Variants in CHRDL2 observed in about 807,000 individuals in gnomAD.
CHRDL2 encodes the protein chordin like 2.
In CHRDL2, 41 loss-of-function variants were observed where a neutral mutation model predicts 54.3. The ratio of observed to expected loss-of-function variants is 0.76; its 90% CI spans 0.59 to 0.98. The LOEUF is 0.98. Among genes scored for constraint, CHRDL2 ranks in the 50% least tolerant of loss-of-function variants. The pLI is 0.00. For synonymous variants in CHRDL2, 220 were observed against 224.3 expected (o/e 0.98, Z 0.17); for missense variants, 518 against 562.4 (o/e 0.92, Z 0.80).
At chr11:74,702,771 A>C in intron 9 of CHRDL2, 23 bp downstream of exon 9, 1 of 1,612,898 alleles carries the variant, frequency 6.2e-7, no homozygotes, top group Non-Finnish European at 8.5e-7. Flanking sequence ...GGTACACCCC[A>C]CTGGGAGTGG....
chr11:74,704,446 C>G, intron 7 of CHRDL2, 40 bp downstream of exon 7: 1 of 1,572,706 alleles, frequency 6.4e-7, no homozygotes, highest in Non-Finnish European at 8.6e-7. Flanking sequence ...CAGGGCCCCC[C>G]TTCCCTGCCT....
chr11:74,727,192 A>C (rs1226008605), intron 1 of CHRDL2, among the ~76,000 whole-genome samples: 2 of 152,228 alleles, frequency 1.3e-5, no homozygotes, highest in Non-Finnish European at 2.9e-5. Flanking sequence ...ACTGAGAGGT[A>C]GAGAAAGGCA....
At chr11:74,701,382 G>A (rs2033802963) in intron 9 of CHRDL2, 1 of 442,214 alleles carries the variant, frequency 2.3e-6, no homozygotes. Context: ...GACTCTTGCG[G>A]TCACTCAGAA....
intron 1 of CHRDL2, among the ~76,000 whole-genome samples, chr11:74,722,676 G>A (rs2135276013): frequency 6.6e-6 from 1 of 152,218 alleles, no homozygotes; most frequent in South Asian, 2.1e-4. Flanking sequence ...GAACATCATA[G>A]CACACACTGA....
intron 1 of CHRDL2, among the ~76,000 whole-genome samples, chr11:74,729,216 G>A (rs1023895344): frequency 1.3e-5 from 2 of 152,248 alleles, no homozygotes; most frequent in African/African-American, 4.8e-5. Context: ...TGGGAGGCAG[G>A]CATGGAGGGC....
At chr11:74,708,998 C>A (rs756536939) in intron 4 of CHRDL2, among the ~76,000 whole-genome samples, 12 of 152,166 alleles carry the variant, frequency 7.9e-5, no homozygotes, top group Non-Finnish European at 1.6e-4. Context: ...GTGTGAAGAT[C>A]CAGTGAGGGA....
intron 9 of CHRDL2, 74 bp downstream of exon 9, chr11:74,702,720 C>T: frequency 3.3e-6 from 5 of 1,530,872 alleles, no homozygotes; most frequent in East Asian, 2.3e-5. Flanking sequence ...GTCCCTAAGG[C>T]CCCTGTGGGG....
At chr11:74,714,491 G>A (rs1439901191) in intron 2 of CHRDL2, among the ~76,000 whole-genome samples, 2 of 152,190 alleles carry the variant, frequency 1.3e-5, no homozygotes, top group Non-Finnish European at 2.9e-5. Flanking sequence ...TTCCCTGATA[G>A]CACTTCTCCC....
intron 6 of CHRDL2, among the ~76,000 whole-genome samples, chr11:74,706,284 C>G (rs112835621): frequency 9.2e-5 from 14 of 152,228 alleles, no homozygotes; most frequent in African/African-American, 3.4e-4. Flanking sequence ...CCCCAGGCCA[C>G]TCCTTATCCA....
intron 7 of CHRDL2, among the ~76,000 whole-genome samples, 168 bp from the exon 8 acceptor site, chr11:74,703,667 C>T (rs1565149378): frequency 6.6e-6 from 1 of 152,238 alleles, no homozygotes; most frequent in African/African-American, 2.4e-5. Context: ...GTCCCCTCTC[C>T]CTGACACTGC....
At chr11:74,700,199 C>G (rs1162599052) in intron 9 of CHRDL2, among the ~76,000 whole-genome samples, 2 of 152,180 alleles carry the variant, frequency 1.3e-5, no homozygotes, top group Non-Finnish European at 2.9e-5. Flanking sequence ...TTAATACGTG[C>G]CCCTTAGGTT....
chr11:74,724,479 G>A (rs888149446), intron 1 of CHRDL2, among the ~76,000 whole-genome samples: 1 of 152,230 alleles, frequency 6.6e-6, no homozygotes, highest in African/African-American at 2.4e-5. Flanking sequence ...ATCATGAGGT[G>A]GCTCCTGCCT....
At chr11:74,722,412 T>C (rs987927557) in intron 1 of CHRDL2, among the ~76,000 whole-genome samples, 3 of 152,224 alleles carry the variant, frequency 2.0e-5, no homozygotes, top group Non-Finnish European at 4.4e-5. Context: ...TACCTAACCA[T>C]TCTGGGCCTC....
chr11:74,716,322 A>G lies in CHRDL2; in HGVS notation c.195+2398T>C, dbSNP rs577364115. ...GAGGCCAAAGAGGGCAGATCATGAG[A>G]TCAAGAGATGGAGATCATCCTGGCC... On this transcript the variant is annotated intron_variant, in intron 2 of 10. Transcript: ENST00000376332. Among the ~76,000 whole-genome samples the G allele has an allele frequency of 1.8e-4, 27 of 152,242 alleles. No individual in the cohort carries two copies. The South Asian group carries it at 5.4e-3, about 30-fold the overall frequency.
intron 9 of CHRDL2, 53 bp from the exon 10 acceptor site, chr11:74,697,350 G>A: frequency 7.5e-7 from 1 of 1,340,388 alleles, no homozygotes; most frequent in Non-Finnish European, 1.1e-6. Flanking sequence ...TACAGTCGGT[G>A]AAAAGTGAAA....
chr11:74,719,777 T>C (rs1455432713), intron 1 of CHRDL2, among the ~76,000 whole-genome samples: 1 of 152,224 alleles, frequency 6.6e-6, no homozygotes, highest in Non-Finnish European at 1.5e-5. Flanking sequence ...CTATCTCTCC[T>C]ACAATCCTGC....
At chr11:74,704,261 A>G (rs911062859) in intron 7 of CHRDL2, among the ~76,000 whole-genome samples, 1 of 152,174 alleles carries the variant, frequency 6.6e-6, no homozygotes, top group Non-Finnish European at 1.5e-5. Flanking sequence ...CTCTTACTCA[A>G]TACTCTGAAC....
intron 9 of CHRDL2, chr11:74,701,793 T>TC (rs2033821014): frequency 9.1e-6 from 5 of 547,722 alleles, no homozygotes; most frequent in Non-Finnish European, 1.7e-5. Flanking sequence ...CATTCCCTCT[T>TC]CCACCCCCAC....
In CHRDL2 at chr11:74,718,791, G is replaced by A; in HGVS notation, c.124C>T (p.Pro42Ser). 1 of 1,613,592 alleles carries A rather than the reference G, an allele frequency of 6.2e-7. No individual in the cohort carries two copies. The highest frequency in any genetic ancestry group is 8.5e-7 in the Non-Finnish European group (1 of 1,179,780). Residue 42 changes from proline to serine, a missense_variant, in exon 2 of 11, where the codon CCC (proline) becomes TCC (serine). Physicochemically the swap from Pro to Ser is moderately conservative, Grantham distance 74 (BLOSUM62 -1). Transcript: ENST00000376332. ...FCLFHGKRYS[P>S]GESWHPYLEP... Reference sequence around the variant, plus strand: ...AAGTAGGGGTGCCAGCTCTCGCCGGGGGAGTATCTCTTCCCATGGAAAAGG... The same window carrying A: ...AAGTAGGGGTGCCAGCTCTCGCCGGAGGAGTATCTCTTCCCATGGAAAAGG...
Sources: gnomAD v4.1 joint callset for allele counts (sites outside exome capture counted in the v4.1 genomes callset) on GRCh38, gnomAD v4.1.1 for gene constraint, MANE v1.5 for transcripts, NCBI Gene and HGNC (gene_info 2026-07-23, HGNC 2026-07-21) for gene names.